Variants in DENND1B observed in about 807,000 individuals in gnomAD.
DENND1B encodes DENN domain containing 1B.
In DENND1B, 59 loss-of-function variants were observed where a neutral mutation model predicts 90.1. The ratio of observed to expected loss-of-function variants is 0.65; its 90% CI spans 0.53 to 0.81. The LOEUF is 0.81. DENND1B is among the 40% of genes least tolerant of loss of function. The probability of loss-of-function intolerance (pLI) is 0.00; values close to 1 mark genes in which losing one functional copy is unlikely to be tolerated. For missense variants in DENND1B, 862 were observed against 912.6 expected, an observed-to-expected ratio of 0.94 and a Z score of 0.71; for synonymous variants, 337 against 324.6, an observed-to-expected ratio of 1.04 and a Z score of -0.41.
chr1:197,741,226 G>A (rs1483786877), intron 2 of DENND1B, among the ~76,000 whole-genome samples: 1 of 152,112 alleles, frequency 6.6e-6, no homozygotes, highest in Non-Finnish European at 1.5e-5. Context: ...TCCTCTCACT[G>A]AAGCAGTAGT....
intron 20 of DENND1B, among the ~76,000 whole-genome samples, chr1:197,518,419 T>C (rs1256001504): frequency 6.6e-6 from 1 of 151,964 alleles, no homozygotes; most frequent in East Asian, 1.9e-4. Context: ...AAAACTTACA[T>C]GCTGTCTGCC....
intron 5 of DENND1B, among the ~76,000 whole-genome samples, chr1:197,668,183 TTC>T (rs1655132823): frequency 6.6e-6 from 1 of 152,142 alleles, no homozygotes; most frequent in Non-Finnish European, 1.5e-5. Context: ...CATAAACAAT[TTC>T]TCTAAGTCAG....
Position 197,658,486 on chromosome 1 carries a change from C to G in DENND1B, c.297-117G>C, listed in dbSNP as rs550769885. 80 of 634,226 alleles carry G rather than the reference C, an allele frequency of 1.3e-4. No homozygotes were observed. The African/African-American group carries it at 1.4e-3, about 11-fold the overall frequency. The allele number at this position is 634,226 out of a possible 1,614,324, so 39.3% of individuals were successfully genotyped here. A position where few individuals can be genotyped will look rare whatever the true frequency, so the allele number is the denominator to read the frequency against. Reference sequence around the variant, plus strand: ...GTTAATCCTGGAGGTCAAAAAAGAACTATACCCATTTTCTTTACTTTTTCA... The same window carrying G: ...GTTAATCCTGGAGGTCAAAAAAGAAGTATACCCATTTTCTTTACTTTTTCA... On this transcript the variant is annotated intron_variant, in intron 5 of 22. Transcript: ENST00000620048.
intron 15 of DENND1B, among the ~76,000 whole-genome samples, chr1:197,560,010 A>G (rs541808584): frequency 6.6e-6 from 1 of 152,068 alleles, no homozygotes; most frequent in African/African-American, 2.4e-5. Flanking sequence ...AGGCTCCAGT[A>G]TACTAAATTA....
intron 14 of DENND1B, among the ~76,000 whole-genome samples, chr1:197,589,432 G>A (rs531127272): frequency 4.8e-4 from 73 of 152,234 alleles, no homozygotes; most frequent in African/African-American, 1.7e-3. Flanking sequence ...AAGTCAACAG[G>A]TCTATCTGTG....
In DENND1B at chr1:197,506,272, C is replaced by T. The variant is rs1667728384; in HGVS notation, c.*4188G>A. The stretch of plus-strand genomic sequence containing the variant: ...AATTCCTTATTTCTTCATCAAATCA[C>T]GTTAACTGACTTGCTCAAAACCACT... On this transcript the variant is annotated 3_prime_UTR_variant, in exon 23 of 23. Transcript: ENST00000620048. The T allele has an allele frequency of 6.6e-6, 1 of 151,630 alleles. No homozygotes were observed. The highest frequency in any genetic ancestry group is 3.4e-3 in the Middle Eastern group (1 of 294). 9.4% of individuals were successfully genotyped at this position (151,630 alleles called of 1,614,324 possible).
intron 1 of DENND1B, among the ~76,000 whole-genome samples, chr1:197,773,961 T>C (rs756437100): frequency 6.6e-6 from 1 of 152,210 alleles, no homozygotes; most frequent in Non-Finnish European, 1.5e-5. Flanking sequence ...AAAAAAGCAT[T>C]TCTTTTTTTG....
chr1:197,751,087 T>C (rs573191867), intron 2 of DENND1B, among the ~76,000 whole-genome samples: 4 of 152,296 alleles, frequency 2.6e-5, no homozygotes, highest in Admixed American at 2.6e-4. Flanking sequence ...CAATCAACTT[T>C]ATCTAACTGG....
chr1:197,631,536 T>G (rs1368584949), intron 10 of DENND1B, among the ~76,000 whole-genome samples: 3 of 151,986 alleles, frequency 2.0e-5, no homozygotes, highest in Admixed American at 6.6e-5. Context: ...AAGCTACTCT[T>G]TAACTATTAG....
Position 197,775,242 on chromosome 1 carries a change from C to T in DENND1B, c.-87G>A. The stretch of plus-strand genomic sequence containing the variant: ...CCCGGCCGCGCGAGGGTCGCGCCGT[C>T]CCCGCCCACGCCGGCGGCCACACAG... On this transcript the variant is annotated 5_prime_UTR_variant, in exon 1 of 23. Coordinates refer to ENST00000620048, the MANE Select transcript of DENND1B (RefSeq NM_001195215.2). 9.2e-7 allele frequency: 1 copy of T among 1,085,934 alleles called. No homozygotes were observed. The highest frequency in any genetic ancestry group is 3.5e-4 in the Middle Eastern group (1 of 2,840). The allele number at this position is 1,085,934 out of a possible 1,614,324, so 67.3% of individuals were successfully genotyped here. A position where few individuals can be genotyped will look rare whatever the true frequency, so the allele number is the denominator to read the frequency against.
intron 2 of DENND1B, among the ~76,000 whole-genome samples, chr1:197,770,021 TTTG>T (rs1341590967): frequency 2.0e-5 from 3 of 150,698 alleles, no homozygotes; most frequent in Non-Finnish European, 4.4e-5. Context: ...TAATTTATCA[TTTG>T]TTATTTATTA....
At chr1:197,736,713 T>A (rs1662723312) in intron 2 of DENND1B, among the ~76,000 whole-genome samples, 2 of 152,224 alleles carry the variant, frequency 1.3e-5, no homozygotes, top group East Asian at 3.8e-4. Flanking sequence ...GTGATAAATT[T>A]GTTACTGTAA....
At position 197,505,268 on chromosome 1, in the gene DENND1B, G is replaced by C. The variant is rs577963201; in HGVS notation, c.*5192C>G. Reference sequence around the variant, plus strand: ...TGGAAGTTACACTGTCAGAAGGATGGTGACTTGACATGTGATGCACTAAAC... The same window carrying C: ...TGGAAGTTACACTGTCAGAAGGATGCTGACTTGACATGTGATGCACTAAAC... On this transcript the variant is annotated 3_prime_UTR_variant, in exon 23 of 23. Transcript: ENST00000620048. 22 of 151,758 alleles carry C rather than the reference G, an allele frequency of 1.4e-4. No homozygotes were observed. Among genetic ancestry groups the C allele is most frequent in the Non-Finnish European group, 2.4e-4 (16 of 67,766 alleles). The allele number at this position is 151,758 out of a possible 1,614,324, so 9.4% of individuals were successfully genotyped here. A position where few individuals can be genotyped will look rare whatever the true frequency, so the allele number is the denominator to read the frequency against.
chr1:197,597,205 T>C (rs1675779925), intron 13 of DENND1B, among the ~76,000 whole-genome samples: 1 of 151,828 alleles, frequency 6.6e-6, no homozygotes, highest in African/African-American at 2.4e-5. Context: ...CAAACAATAA[T>C]AATTACAAAA....
chr1:197,557,490 T>C (rs1315331248), intron 15 of DENND1B, among the ~76,000 whole-genome samples: 1 of 151,936 alleles, frequency 6.6e-6, no homozygotes, highest in Non-Finnish European at 1.5e-5. Context: ...AACTACTCTG[T>C]CTTACTAACC....
intron 2 of DENND1B, among the ~76,000 whole-genome samples, chr1:197,767,342 G>A (rs1383928625): frequency 1.3e-5 from 2 of 151,700 alleles, no homozygotes; most frequent in Non-Finnish European, 2.9e-5. Flanking sequence ...TATCACTATA[G>A]ACAAAAAGTT....
At chr1:197,659,091 A>G (rs1013975412) in intron 5 of DENND1B, among the ~76,000 whole-genome samples, 4 of 151,314 alleles carry the variant, frequency 2.6e-5, no homozygotes, top group African/African-American at 4.8e-5. Context: ...TTCATGTAGA[A>G]TAAGAGGAAA....
chr1:197,697,507 G>A (rs1658558901), intron 3 of DENND1B, among the ~76,000 whole-genome samples: 1 of 151,612 alleles, frequency 6.6e-6, no homozygotes, highest in African/African-American at 2.4e-5. Flanking sequence ...ACCAACTAAA[G>A]GACAAAACTC....
intron 19 of DENND1B, among the ~76,000 whole-genome samples, chr1:197,540,670 A>G (rs991533876): frequency 2.0e-5 from 3 of 152,154 alleles, no homozygotes; most frequent in Non-Finnish European, 4.4e-5. Flanking sequence ...AAGAACTTCA[A>G]TTGTGATATC....
Sources: allele counts gnomAD v4.1 joint callset (sites outside exome capture counted in the v4.1 genomes callset), GRCh38; gene constraint gnomAD v4.1.1; transcripts MANE v1.5; gene names NCBI Gene and HGNC (gene_info 2026-07-23, HGNC 2026-07-21).